The following PLCB1 variants were observed in gnomAD, a reference collection of about 807,000 sequenced individuals.
PLCB1 encodes 1-phosphatidylinositol 4,5-bisphosphate phosphodiesterase beta-1.
A neutral mutation model predicts 161.8 loss-of-function variants in PLCB1; 46 were observed. The observed-to-expected ratio is 0.28, with a 90% confidence interval of 0.22 to 0.36. The LOEUF (loss-of-function observed/expected upper bound fraction) is 0.36, where lower values mean the gene tolerates loss of function less well. Among genes scored for constraint, PLCB1 ranks in the 10% least tolerant of loss-of-function variants. PLCB1 has a pLI of 1.00. For synonymous variants in PLCB1, 517 were observed against 503.7 expected, an observed-to-expected ratio of 1.03 and a Z score of -0.35; for missense variants, 1,016 against 1,472.5, an observed-to-expected ratio of 0.69 and a Z score of 5.07.
chr20:8,768,149 A>G (rs778742164), intron 26 of PLCB1, among the ~76,000 whole-genome samples: 4 of 152,196 alleles, frequency 2.6e-5, no homozygotes, highest in Non-Finnish European at 4.4e-5. Flanking sequence ...AGCCTGGGCA[A>G]CAGAGAAGGA....
chr20:8,810,271 G>A (rs146588178), intron 31 of PLCB1, among the ~76,000 whole-genome samples: 7 of 152,184 alleles, frequency 4.6e-5, no homozygotes, highest in South Asian at 2.1e-4. Flanking sequence ...AAGTTAAAGC[G>A]ACGTGTCCAA....
intron 1 of PLCB1, among the ~76,000 whole-genome samples, chr20:8,133,274 A>G (rs1046070809): frequency 6.6e-6 from 1 of 152,164 alleles, no homozygotes; most frequent in Non-Finnish European, 1.5e-5. Flanking sequence ...TCCAGCCAAC[A>G]GGTGGTCGTT....
At chr20:8,428,293 T>C (rs1979878966) in intron 3 of PLCB1, among the ~76,000 whole-genome samples, 1 of 152,080 alleles carries the variant, frequency 6.6e-6, no homozygotes, top group Non-Finnish European at 1.5e-5. Flanking sequence ...CAATCTCGGC[T>C]CACTGCAACC....
intron 20 of PLCB1, among the ~76,000 whole-genome samples, chr20:8,737,873 A>G (rs879890029): frequency 2.0e-5 from 3 of 152,212 alleles, no homozygotes; most frequent in African/African-American, 4.8e-5. Flanking sequence ...ATGTTAACTG[A>G]GTTTAATAAT....
chr20:8,650,524 G>A (rs978894658), intron 7 of PLCB1, among the ~76,000 whole-genome samples: 6 of 152,066 alleles, frequency 3.9e-5, no homozygotes, highest in Non-Finnish European at 7.4e-5. Flanking sequence ...CCTGCTCTGC[G>A]GGAACAGGCA....
At chr20:8,181,161 A>G (rs1241462164) in intron 2 of PLCB1, among the ~76,000 whole-genome samples, 2 of 149,038 alleles carry the variant, frequency 1.3e-5, no homozygotes, top group Non-Finnish European at 3.0e-5. Context: ...AGGCAGGAGA[A>G]TTGCTTGACC....
At chr20:8,172,738 A>G (rs530717091) in intron 2 of PLCB1, among the ~76,000 whole-genome samples, 21 of 152,306 alleles carry the variant, frequency 1.4e-4, no homozygotes, top group African/African-American at 5.1e-4. Flanking sequence ...TTCCCTAAGT[A>G]CAACTATACA....
At chr20:8,242,227 C>T (rs921235150) in intron 2 of PLCB1, among the ~76,000 whole-genome samples, 5 of 151,910 alleles carry the variant, frequency 3.3e-5, no homozygotes, top group African/African-American at 1.2e-4. Context: ...CGTGTGGTCA[C>T]ATCAGCTGCA....
chr20:8,823,280 G>A (rs993569511), intron 31 of PLCB1, among the ~76,000 whole-genome samples: 1 of 152,088 alleles, frequency 6.6e-6, no homozygotes, highest in East Asian at 1.9e-4. Flanking sequence ...GCGCCACTGC[G>A]CCCAGCTAAT....
intron 31 of PLCB1, among the ~76,000 whole-genome samples, chr20:8,793,503 G>T (rs1983867981): frequency 6.6e-6 from 1 of 151,864 alleles, no homozygotes; most frequent in Non-Finnish European, 1.5e-5. Context: ...TTAAGGCTGG[G>T]TGTCCGGGGG....
At chr20:8,783,330 T>C (rs1020077254) in intron 27 of PLCB1, among the ~76,000 whole-genome samples, 1 of 152,234 alleles carries the variant, frequency 6.6e-6, no homozygotes, top group Non-Finnish European at 1.5e-5. Context: ...GACTAATAAA[T>C]GATCGAATGG....
intron 31 of PLCB1, among the ~76,000 whole-genome samples, chr20:8,795,757 C>G (rs1441604328): frequency 6.6e-6 from 1 of 151,786 alleles, no homozygotes; most frequent in Non-Finnish European, 1.5e-5. Context: ...CGCTGGTAGT[C>G]CCGGCTACTT....
intron 2 of PLCB1, among the ~76,000 whole-genome samples, chr20:8,271,615 C>G (rs1294991946): frequency 1.3e-5 from 2 of 151,998 alleles, no homozygotes. Flanking sequence ...ATAGCTGGGT[C>G]ATAAGAGAGC....
chr20:8,615,327 T>G (rs1451405144), intron 3 of PLCB1, among the ~76,000 whole-genome samples: 2 of 152,216 alleles, frequency 1.3e-5, no homozygotes, highest in Non-Finnish European at 2.9e-5. Context: ...TGATTTATAG[T>G]TCTTTTGTTA....
At chr20:8,575,934 A>G (rs1231109548) in intron 3 of PLCB1, among the ~76,000 whole-genome samples, 1 of 152,190 alleles carries the variant, frequency 6.6e-6, no homozygotes, top group African/African-American at 2.4e-5. Context: ...AAACCTTTTC[A>G]TGGAACTCAC....
In PLCB1 at chr20:8,348,336, G is replaced by C. The variant is rs113313792; in HGVS notation, c.178-23046G>C. The stretch of plus-strand genomic sequence containing the variant: ...AGGGACCTTGTGAGTAATTGACCTT[G>C]TGGCTATTCTCCCCTTATACTTCCC... On this transcript the variant is annotated intron_variant, in intron 2 of 31. Coordinates refer to ENST00000338037, the MANE Select transcript of PLCB1 (RefSeq NM_015192.4). Among the ~76,000 whole-genome samples, 927 of 152,282 alleles carry C rather than the reference G, an allele frequency of 6.1e-3. 11 individuals carry two copies. Among genetic ancestry groups the C allele is most frequent in the African/African-American group, 0.02 (838 of 41,564 alleles).
At chr20:8,485,642 T>C (rs1306143080) in intron 3 of PLCB1, among the ~76,000 whole-genome samples, 2 of 152,210 alleles carry the variant, frequency 1.3e-5, no homozygotes, top group Non-Finnish European at 2.9e-5. Flanking sequence ...GAGGACCTCA[T>C]CTGGTGAACT....
At chr20:8,240,606 A>G (rs1980561524) in intron 2 of PLCB1, among the ~76,000 whole-genome samples, 3 of 151,958 alleles carry the variant, frequency 2.0e-5, no homozygotes, top group African/African-American at 7.2e-5. Flanking sequence ...TTTGGGATAC[A>G]TAGGGAAGCG....
chr20:8,807,273 G>A lies in PLCB1; in HGVS notation c.3423+17012G>A, dbSNP rs183764863. 3.2e-3 allele frequency among the ~76,000 whole-genome samples: 489 copies of A among 152,268 alleles called. 3 individuals are homozygous for A. Among genetic ancestry groups the A allele is most frequent in the African/African-American group, 9.9e-3 (411 of 41,556 alleles). The stretch of plus-strand genomic sequence containing the variant: ...TGCTGAAAGATTTAATGAGACCACA[G>A]GGTCACTTATAGAACGATGGTGCAG... On this transcript the variant is annotated intron_variant, in intron 31 of 31. Coordinates refer to ENST00000338037, the MANE Select transcript of PLCB1 (RefSeq NM_015192.4).
Sources: gnomAD v4.1 joint callset for allele counts (sites outside exome capture counted in the v4.1 genomes callset) on GRCh38, gnomAD v4.1.1 for gene constraint, MANE v1.5 for transcripts, NCBI Gene and HGNC (gene_info 2026-07-23, HGNC 2026-07-21) for gene names.